The following RBFOX1 variants were observed in gnomAD, a reference collection of about 807,000 sequenced individuals.
RBFOX1 encodes RNA binding fox-1 homolog 1, also known as RNA binding protein fox-1 homolog 1.
Under a neutral mutation model 57.7 loss-of-function variants are expected in RBFOX1, and 8 were observed. The observed-to-expected ratio is 0.14, with a 90% CI of 0.08 to 0.25. The LOEUF (loss-of-function observed/expected upper bound fraction) is 0.25, where lower values mean the gene tolerates loss of function less well. Ranked by LOEUF, RBFOX1 falls within the 10% of genes least tolerant of loss-of-function variation. The pLI is 1.00. For synonymous variants in RBFOX1, 326 were observed against 222.4 expected (o/e 1.47, Z -4.15); for missense variants, 611 against 548.5 (o/e 1.11, Z -1.14).
intron 1 of RBFOX1, among the ~76,000 whole-genome samples, chr16:5,271,304 C>G (rs1444417544): frequency 6.6e-6 from 1 of 152,204 alleles, no homozygotes; most frequent in South Asian, 2.1e-4. Flanking sequence ...CTGCAGTGAA[C>G]TATGATTGTG....
At chr16:7,346,645 G>A (rs9938306) in intron 4 of RBFOX1, among the ~76,000 whole-genome samples, 20,762 of 151,664 alleles carry the variant, frequency 0.14, 1,777 homozygotes, top group African/African-American at 0.25. Context: ...GCATTGCTTC[G>A]TTCAAGCCTT....
intron 2 of RBFOX1, among the ~76,000 whole-genome samples, chr16:5,597,402 T>C (rs2047219782): frequency 6.7e-6 from 1 of 149,562 alleles, no homozygotes. Context: ...TGACTTTTTT[T>C]TTTTTTTTTT....
chr16:7,398,761 C>A (rs2098185197), intron 4 of RBFOX1, among the ~76,000 whole-genome samples: 1 of 152,198 alleles, frequency 6.6e-6, no homozygotes, highest in East Asian at 1.9e-4. Context: ...CAGCTCTAGC[C>A]CCATGTGGCT....
At chr16:7,065,582 G>C (rs1421482538) in intron 4 of RBFOX1, among the ~76,000 whole-genome samples, 1 of 152,166 alleles carries the variant, frequency 6.6e-6, no homozygotes, top group African/African-American at 2.4e-5. Flanking sequence ...GTTTTAGTAT[G>C]TGTACATTGT....
chr16:5,848,442 A>C (rs1488545420), intron 3 of RBFOX1, among the ~76,000 whole-genome samples: 2 of 152,172 alleles, frequency 1.3e-5, no homozygotes, highest in African/African-American at 4.8e-5. Context: ...CTGAAAAATA[A>C]ACACACAAAT....
chr16:7,338,969 C>G (rs977187110), intron 4 of RBFOX1, among the ~76,000 whole-genome samples: 2 of 152,156 alleles, frequency 1.3e-5, no homozygotes, highest in African/African-American at 4.8e-5. Context: ...GCGTCATTTA[C>G]TCTGAGGCTG....
chr16:7,561,559 T>G (rs1174177806), intron 5 of RBFOX1, among the ~76,000 whole-genome samples: 1 of 152,242 alleles, frequency 6.6e-6, no homozygotes, highest in Non-Finnish European at 1.5e-5. Context: ...TCTTTCACTG[T>G]CAAATTTTTG....
intron 4 of RBFOX1, among the ~76,000 whole-genome samples, chr16:7,199,807 A>G (rs531729398): frequency 7.9e-5 from 12 of 152,164 alleles, no homozygotes; most frequent in African/African-American, 2.6e-4. Context: ...AGACCCAAGA[A>G]TTGCTTGAAC....
chr16:6,924,930 A>G lies in RBFOX1; in HGVS notation c.-15-127127A>G, dbSNP rs1431262250. ...TCAATTCCTACCTATGAGTGAGAACATGCGGTGTTTGGTTTTTTGCCCTTG... is the reference window on the plus strand; with the variant it reads ...TCAATTCCTACCTATGAGTGAGAACGTGCGGTGTTTGGTTTTTTGCCCTTG... On this transcript the variant is annotated intron_variant, in intron 3 of 15. Transcript: ENST00000550418. Among the ~76,000 whole-genome samples, 3 of 147,360 alleles carry G rather than the reference A, an allele frequency of 2.0e-5. No individual in the cohort carries two copies. In the East Asian group the frequency reaches 6.2e-4, roughly 30 times the overall value.
At chr16:7,435,558 C>T (rs751159746) in intron 4 of RBFOX1, among the ~76,000 whole-genome samples, 6 of 152,192 alleles carry the variant, frequency 3.9e-5, no homozygotes, top group Non-Finnish European at 7.3e-5. Context: ...GAAGCAGCAG[C>T]ATCTACATCC....
chr16:7,262,118 CAG>C (rs2094941254), intron 4 of RBFOX1, among the ~76,000 whole-genome samples: 1 of 151,990 alleles, frequency 6.6e-6, no homozygotes. Context: ...AAATATGACA[CAG>C]AGAAACTTTG....
intron 1 of RBFOX1, among the ~76,000 whole-genome samples, chr16:5,414,892 C>T (rs187481282): frequency 2.6e-5 from 4 of 152,294 alleles, no homozygotes; most frequent in Non-Finnish European, 4.4e-5. Flanking sequence ...TCCTAAGCTT[C>T]ATCCAATAAA....
intron 1 of RBFOX1, among the ~76,000 whole-genome samples, chr16:5,429,368 C>G (rs1177854700): frequency 6.6e-6 from 1 of 152,122 alleles, no homozygotes; most frequent in Admixed American, 6.5e-5. Context: ...CTCTCCCAGC[C>G]GTCAGAGGCT....
intron 1 of RBFOX1, among the ~76,000 whole-genome samples, chr16:6,165,178 C>T (rs1056640341): frequency 6.6e-6 from 1 of 152,082 alleles, no homozygotes; most frequent in Non-Finnish European, 1.5e-5. Flanking sequence ...TTAATACCCA[C>T]CTGACAAGAT....
chr16:5,625,201 G>T (rs2048313269), intron 3 of RBFOX1, among the ~76,000 whole-genome samples: 1 of 151,670 alleles, frequency 6.6e-6, no homozygotes, highest in Non-Finnish European at 1.5e-5. Flanking sequence ...GAGCCCCCCA[G>T]AACAGGGCAG....
At chr16:7,164,709 C>T (rs1326178278) in intron 4 of RBFOX1, among the ~76,000 whole-genome samples, 3 of 152,148 alleles carry the variant, frequency 2.0e-5, no homozygotes, top group African/African-American at 4.8e-5. Context: ...TTCAGTTTTC[C>T]CCTACCTCAT....
intron 3 of RBFOX1, among the ~76,000 whole-genome samples, chr16:5,712,190 C>A (rs976210782): frequency 6.6e-6 from 1 of 152,166 alleles, no homozygotes; most frequent in Non-Finnish European, 1.5e-5. Flanking sequence ...AATCACCTTC[C>A]ACCAGGTCCC....
intron 3 of RBFOX1, among the ~76,000 whole-genome samples, chr16:6,790,821 C>A (rs151231091): frequency 6.6e-6 from 1 of 152,148 alleles, no homozygotes; most frequent in African/African-American, 2.4e-5. Context: ...TATTTATTTT[C>A]AAATCACAGT....
intron 4 of RBFOX1, among the ~76,000 whole-genome samples, chr16:7,410,750 G>A (rs1373977336): frequency 6.6e-6 from 1 of 151,970 alleles, no homozygotes; most frequent in South Asian, 2.1e-4. Context: ...CTCTTGGTTG[G>A]ATAACAGTTT....
Sources: allele counts gnomAD v4.1 joint callset (sites outside exome capture counted in the v4.1 genomes callset), GRCh38; gene constraint gnomAD v4.1.1; transcripts MANE v1.5; gene names NCBI Gene and HGNC (gene_info 2026-07-23, HGNC 2026-07-21).